Variants in KIF13B observed in about 807,000 individuals in gnomAD.
KIF13B encodes kinesin family member 13B.
A neutral mutation model predicts 222.0 loss-of-function variants in KIF13B; 127 were observed. That is an observed-to-expected ratio of 0.57 (90% CI 0.50 to 0.66). KIF13B has a LOEUF of 0.66. KIF13B is among the 30% of genes least tolerant of loss of function. KIF13B has a pLI of 0.00. For missense variants in KIF13B, 2,173 were observed against 2,379.0 expected (o/e 0.91, Z 1.80); for synonymous variants, 976 against 919.0 (o/e 1.06, Z -1.12).
intron 1 of KIF13B, among the ~76,000 whole-genome samples, chr8:29,260,680 G>A (rs185625530): frequency 3.3e-4 from 50 of 151,672 alleles, no homozygotes; most frequent in African/African-American, 1.1e-3. Flanking sequence ...ACAGTGGCAC[G>A]ATCTTGGCTC....
chr8:29,119,341 C>T (rs193111358), intron 29 of KIF13B, among the ~76,000 whole-genome samples: 32 of 152,232 alleles, frequency 2.1e-4, no homozygotes, highest in African/African-American at 3.9e-4. Context: ...GGGTCAGAAA[C>T]GAGCAAGGGT....
intron 32 of KIF13B, among the ~76,000 whole-genome samples, chr8:29,110,293 C>T (rs1449171954): frequency 6.6e-6 from 1 of 152,202 alleles, no homozygotes; most frequent in Non-Finnish European, 1.5e-5. Context: ...AAACACAGCG[C>T]ATTCTCAACA....
chr8:29,124,119 C>T lies in KIF13B; in HGVS notation c.3257G>A (p.Arg1086Gln), dbSNP rs539457354. Residue 1086 changes from arginine to glutamine, a missense_variant, in exon 27 of 40, where the codon CGA becomes CAA. Arg to Gln is a conservative substitution (Grantham distance 43, BLOSUM62 1). This residue lies in a region of KIF13B where 1,480 missense variants were observed against 1,722.8 expected (regional missense o/e 0.86). Coordinates refer to ENST00000524189, the MANE Select transcript of KIF13B (RefSeq NM_015254.4). Reference sequence around the variant, plus strand: ...TTTTCTACGAAGTCTCTCTAAATCTCGATCCTGGAAGCAAGCAAGGAAAAT... The same window carrying T: ...TTTTCTACGAAGTCTCTCTAAATCTTGATCCTGGAAGCAAGCAAGGAAAAT... The part of the protein sequence containing the change: ...EEEDMDSYQD[R>Q]DLERLRRKWL... 6.9e-6 allele frequency: 11 copies of T among 1,598,918 alleles called. No homozygotes were observed. The African/African-American group carries it at 9.4e-5, about 14-fold the overall frequency.
At position 29,186,380 on chromosome 8, in the gene KIF13B, C is replaced by T. The variant is rs540759947; in HGVS notation, c.409G>A (p.Glu137Lys). 2.5e-6 allele frequency: 4 copies of T among 1,613,898 alleles called. No individual in the cohort carries two copies. The highest frequency in any genetic ancestry group is 1.7e-6 in the Non-Finnish European group (2 of 1,179,798). Residue 137 changes from glutamate (E) to lysine (K), a missense_variant, in exon 6 of 40, where the codon GAG becomes AAG. Physicochemically the swap from Glu to Lys is moderately conservative, Grantham distance 56. Coordinates refer to ENST00000524189, the MANE Select transcript of KIF13B (RefSeq NM_015254.4). ...TTAAAACTCTGTTCTTCATTTTCCT[C>T]TTTCTGAGTTCGTTCAAAGAGTCCA... ...CSGLFERTQK[E>K]ENEEQSFKVE...
chr8:29,078,203 G>C (rs1483061182), intron 37 of KIF13B, among the ~76,000 whole-genome samples: 1 of 150,658 alleles, frequency 6.6e-6, no homozygotes, highest in Non-Finnish European at 1.5e-5. Flanking sequence ...GCTGAGGCAG[G>C]AGAATTGCTT....
At chr8:29,257,767 A>AT (rs1816539616) in intron 1 of KIF13B, among the ~76,000 whole-genome samples, 1 of 152,086 alleles carries the variant, frequency 6.6e-6, no homozygotes, top group African/African-American at 2.4e-5. Context: ...AGTGATGATC[A>AT]TGCCACTGCA....
intron 2 of KIF13B, among the ~76,000 whole-genome samples, chr8:29,221,858 G>C (rs1814766761): frequency 1.3e-5 from 2 of 151,920 alleles, no homozygotes; most frequent in African/African-American, 4.8e-5. Context: ...TTGGTATTTG[G>C]GTATTTCATA....
At chr8:29,104,807 G>C (rs934614573) in intron 35 of KIF13B, among the ~76,000 whole-genome samples, 2 of 151,154 alleles carry the variant, frequency 1.3e-5, no homozygotes, top group African/African-American at 4.9e-5. Flanking sequence ...GCAGTGGCGC[G>C]ATCTCGGCTC....
intron 2 of KIF13B, among the ~76,000 whole-genome samples, chr8:29,222,998 C>A (rs1347974984): frequency 2.0e-5 from 3 of 151,862 alleles, no homozygotes; most frequent in East Asian, 3.9e-4. Context: ...GCTTTATGAT[C>A]AAAAATTGAT....
chr8:29,090,204 G>A (rs1185569484), intron 37 of KIF13B, among the ~76,000 whole-genome samples: 2 of 152,186 alleles, frequency 1.3e-5, no homozygotes, highest in Non-Finnish European at 2.9e-5. Context: ...GGCACTGTGA[G>A]CCACAGTGAG....
At chr8:29,133,220 G>A (rs1233752866) in intron 22 of KIF13B, among the ~76,000 whole-genome samples, 2 of 152,178 alleles carry the variant, frequency 1.3e-5, no homozygotes, top group South Asian at 2.1e-4. Flanking sequence ...AACCAGTGAA[G>A]AACTACTTTG....
intron 1 of KIF13B, chr8:29,250,157 C>T (rs1009946584): frequency 1.8e-5 from 13 of 729,988 alleles, no homozygotes; most frequent in Non-Finnish European, 2.7e-5. Context: ...CAAAGTTGGT[C>T]ATTAGTTTCT....
At chr8:29,177,689 C>T in intron 8 of KIF13B, 111 bp from the exon 9 acceptor site, 1 of 740,808 alleles carries the variant, frequency 1.3e-6, no homozygotes, top group Non-Finnish European at 2.4e-6. Context: ...ATCACCTGAG[C>T]CCAGGATTTC....
At chr8:29,213,267 A>G (rs890342365) in intron 2 of KIF13B, among the ~76,000 whole-genome samples, 2 of 152,236 alleles carry the variant, frequency 1.3e-5, no homozygotes, top group Non-Finnish European at 2.9e-5. Context: ...TCTAGATTCA[A>G]TAAATGCTTG....
At chr8:29,242,642 G>C (rs1338447003) in intron 2 of KIF13B, among the ~76,000 whole-genome samples, 1 of 152,196 alleles carries the variant, frequency 6.6e-6, no homozygotes, top group Non-Finnish European at 1.5e-5. Flanking sequence ...ATACACAGAA[G>C]AACTAGACTG....
At chr8:29,234,655 A>C (rs1815428144) in intron 2 of KIF13B, among the ~76,000 whole-genome samples, 1 of 149,784 alleles carries the variant, frequency 6.7e-6, no homozygotes, top group Non-Finnish European at 1.5e-5. Context: ...TTAAATGATT[A>C]ATTTTCTTGT....
At chr8:29,084,735 A>G (rs959300527) in intron 37 of KIF13B, among the ~76,000 whole-genome samples, 1 of 152,244 alleles carries the variant, frequency 6.6e-6, no homozygotes, top group Non-Finnish European at 1.5e-5. Flanking sequence ...AAAAAAAGCT[A>G]TTATGCCAAA....
intron 9 of KIF13B, 102 bp from the exon 10 acceptor site, chr8:29,176,281 T>G (rs1168117908): frequency 4.4e-6 from 3 of 680,956 alleles, no homozygotes; most frequent in Non-Finnish European, 7.7e-6. Context: ...TACCTGCATG[T>G]GAGCAGCACC....
At chr8:29,107,619 G>A (rs552931783) in intron 35 of KIF13B, among the ~76,000 whole-genome samples, 16 of 150,830 alleles carry the variant, frequency 1.1e-4, no homozygotes, top group African/African-American at 3.7e-4. Context: ...GAGTGCAGTG[G>A]TGCGATTTTG....
Sources: gnomAD v4.1 joint callset for allele counts (sites outside exome capture counted in the v4.1 genomes callset) on GRCh38, gnomAD v4.1.1 for gene constraint, gnomAD v4.1.1 regional missense constraint, MANE v1.5 for transcripts, NCBI Gene and HGNC (gene_info 2026-07-23, HGNC 2026-07-21) for gene names.